The following CADPS variants were observed in gnomAD, a reference collection of about 807,000 sequenced individuals.
CADPS encodes the protein calcium dependent secretion activator, also known as calcium-dependent secretion activator 1.
A neutral mutation model predicts 167.3 loss-of-function variants in CADPS; 57 were observed. That is an observed-to-expected ratio of 0.34 (90% CI 0.28 to 0.42). The LOEUF (loss-of-function observed/expected upper bound fraction) is 0.42, where lower values mean the gene tolerates loss of function less well. Among genes scored for constraint, CADPS ranks in the 20% least tolerant of loss-of-function variants. CADPS has a pLI of 1.00. For missense variants in CADPS, 1,414 were observed against 1,738.1 expected, an observed-to-expected ratio of 0.81 and a Z score of 3.32; for synonymous variants, 676 against 635.3, an observed-to-expected ratio of 1.06 and a Z score of -0.96.
chr3:62,466,457 T>C (rs377268088), intron 24 of CADPS, 44 bp from the exon 25 acceptor site: 6 of 1,236,938 alleles, frequency 4.9e-6, no homozygotes, highest in Non-Finnish European at 7.1e-6. Flanking sequence ...TGGGAGGTGA[T>C]GGCACTGCAT....
At chr3:62,547,592 C>T (rs145358426) in intron 11 of CADPS, among the ~76,000 whole-genome samples, 1 of 103,300 alleles carries the variant, frequency 9.7e-6, no homozygotes, top group African/African-American at 4.2e-5. Flanking sequence ...TTACGCCCCC[C>T]CCCCCCCGCA....
chr3:62,444,581 A>G (rs1282175675), intron 27 of CADPS, among the ~76,000 whole-genome samples: 2 of 152,228 alleles, frequency 1.3e-5, no homozygotes, highest in African/African-American at 2.4e-5. Flanking sequence ...AGCTTTTTCT[A>G]TTCTCCATTA....
At chr3:62,417,123 C>T (rs544294398) in intron 28 of CADPS, among the ~76,000 whole-genome samples, 4 of 152,234 alleles carry the variant, frequency 2.6e-5, no homozygotes, top group African/African-American at 7.2e-5. Flanking sequence ...TGTGCATACT[C>T]TATGCTGTAC....
intron 3 of CADPS, among the ~76,000 whole-genome samples, chr3:62,682,813 T>A (rs1295408338): frequency 6.6e-6 from 1 of 152,154 alleles, no homozygotes; most frequent in East Asian, 1.9e-4. Context: ...ATGGAACTGA[T>A]AATCTAGGGA....
At chr3:62,823,069 T>G (rs1314950671) in intron 1 of CADPS, among the ~76,000 whole-genome samples, 1 of 152,202 alleles carries the variant, frequency 6.6e-6, no homozygotes, top group African/African-American at 2.4e-5. Context: ...CCATTTATTC[T>G]GCCACTTTGT....
intron 17 of CADPS, 134 bp from the exon 18 acceptor site, chr3:62,499,402 T>A: frequency 1.6e-6 from 1 of 630,870 alleles, no homozygotes; most frequent in Non-Finnish European, 2.9e-6. Flanking sequence ...TTAAGTGCCA[T>A]GTAATTAGTA....
chr3:62,549,647 C>T (rs1244477722), intron 11 of CADPS, among the ~76,000 whole-genome samples: 3 of 152,234 alleles, frequency 2.0e-5, no homozygotes, highest in Non-Finnish European at 4.4e-5. Context: ...TCTGTACTCT[C>T]ACCAAAACAG....
intron 3 of CADPS, among the ~76,000 whole-genome samples, chr3:62,663,506 G>A (rs1228609893): frequency 2.0e-5 from 3 of 149,298 alleles, no homozygotes; most frequent in Non-Finnish European, 4.4e-5. Context: ...CCTCTTTTTA[G>A]TATATATTAA....
At chr3:62,417,721 C>A (rs950392130) in intron 28 of CADPS, among the ~76,000 whole-genome samples, 4 of 151,922 alleles carry the variant, frequency 2.6e-5, no homozygotes, top group African/African-American at 9.7e-5. Flanking sequence ...AATCCCAGCA[C>A]TTTGGGAGGC....
At chr3:62,675,803 T>G (rs2076251040) in intron 3 of CADPS, among the ~76,000 whole-genome samples, 1 of 152,168 alleles carries the variant, frequency 6.6e-6, no homozygotes. Flanking sequence ...AGGCTAATCC[T>G]CTGTGAAACT....
intron 1 of CADPS, among the ~76,000 whole-genome samples, chr3:62,771,992 G>C (rs996456327): frequency 1.3e-5 from 2 of 152,102 alleles, no homozygotes; most frequent in African/African-American, 4.8e-5. Context: ...TCAAGTAACT[G>C]GTTTTGGGTT....
chr3:62,423,915 CTAAA>C (rs2052028671), intron 28 of CADPS, among the ~76,000 whole-genome samples: 1 of 152,256 alleles, frequency 6.6e-6, no homozygotes, highest in African/African-American at 2.4e-5. Flanking sequence ...TTAGAAAACT[CTAAA>C]TAAATGTTAT....
intron 28 of CADPS, among the ~76,000 whole-genome samples, chr3:62,406,335 A>G (rs943537972): frequency 3.3e-5 from 5 of 152,096 alleles, no homozygotes; most frequent in African/African-American, 1.2e-4. Flanking sequence ...GCTCTTCCTC[A>G]CGGGGCTCAC....
At chr3:62,561,082 A>AG (rs1170371346) in intron 9 of CADPS, among the ~76,000 whole-genome samples, 1 of 150,582 alleles carries the variant, frequency 6.6e-6, no homozygotes, top group Non-Finnish European at 1.5e-5. Flanking sequence ...CCATCTCAAA[A>AG]AAAAAAAAAA....
chr3:62,775,332 C>A (rs568714401), intron 1 of CADPS, among the ~76,000 whole-genome samples: 1 of 152,224 alleles, frequency 6.6e-6, no homozygotes, highest in African/African-American at 2.4e-5. Flanking sequence ...GGATTACAGG[C>A]ATTAGCCACT....
chr3:62,812,802 A>C (rs1398670858), intron 1 of CADPS, among the ~76,000 whole-genome samples: 1 of 152,192 alleles, frequency 6.6e-6, no homozygotes, highest in Non-Finnish European at 1.5e-5. Context: ...GACCAAGGGC[A>C]TGCCTCTCCA....
Position 62,446,956 on chromosome 3 carries a change from A to G in CADPS, c.3637-1159T>C, listed in dbSNP as rs565102418. ...CTCCTGCAATTTGGCTGAGATCAAT[A>G]TTAGGAATCAAGCTTCACCCAAATG... On this transcript the variant is annotated intron_variant, in intron 26 of 29. Transcript: ENST00000383710. This position sits in a 1 kb window ranked among gnomAD's most constrained non-coding sequence, Gnocchi z 4.9. Among the ~76,000 whole-genome samples, 2 of 152,124 alleles carry G rather than the reference A, an allele frequency of 1.3e-5. No individual in the cohort carries two copies. Among genetic ancestry groups the G allele is most frequent in the African/African-American group, 4.8e-5 (2 of 41,426 alleles).
At chr3:62,854,050 C>T (rs1447645025) in intron 1 of CADPS, among the ~76,000 whole-genome samples, 2 of 152,130 alleles carry the variant, frequency 1.3e-5, no homozygotes, top group African/African-American at 4.8e-5. Context: ...GCTGAACCTA[C>T]TGCCGCTCCA....
At chr3:62,785,775 T>C (rs304205) in intron 1 of CADPS, among the ~76,000 whole-genome samples, 114,402 of 152,078 alleles carry the variant, frequency 0.75, 43,325 homozygotes, top group East Asian at 0.95. Flanking sequence ...ATTTGATATA[T>C]GGATCTTTAT....
Sources: gnomAD v4.1 joint callset for allele counts (sites outside exome capture counted in the v4.1 genomes callset) on GRCh38, gnomAD v4.1.1 for gene constraint, Gnocchi (gnomAD v3.1) non-coding constraint, MANE v1.5 for transcripts, NCBI Gene and HGNC (gene_info 2026-07-23, HGNC 2026-07-21) for gene names.